The following GLIPR1 variants were observed in gnomAD, a reference collection of about 807,000 sequenced individuals.
GLIPR1 encodes the protein GLI pathogenesis related 1.
Under a neutral mutation model 30.3 loss-of-function variants are expected in GLIPR1, and 38 were observed. The observed-to-expected ratio is 1.26, with a 90% CI of 0.97 to 1.65. The LOEUF is 1.65. Ranked by LOEUF, GLIPR1 falls within the 40% of genes most tolerant of loss-of-function variation. The probability of loss-of-function intolerance (pLI) is 0.00; values close to 1 mark genes in which losing one functional copy is unlikely to be tolerated. For synonymous variants in GLIPR1, 122 were observed against 110.6 expected (o/e 1.10, Z -0.65); for missense variants, 285 against 326.5 (o/e 0.87, Z 0.98).
Position 75,503,416 on chromosome 12 carries a change from G to C in GLIPR1, c.*4438G>C, listed in dbSNP as rs2046407527. 1 of 152,088 alleles carries C rather than the reference G, an allele frequency of 6.6e-6. No individual in the cohort carries two copies. Among genetic ancestry groups the C allele is most frequent in the African/African-American group, 2.4e-5 (1 of 41,408 alleles). The allele number at this position is 152,088 out of a possible 1,614,324, so 9.4% of individuals were successfully genotyped here. A position where few individuals can be genotyped will look rare whatever the true frequency, so the allele number is the denominator to read the frequency against. On this transcript the variant is annotated 3_prime_UTR_variant, in exon 6 of 6. Coordinates refer to ENST00000266659, the MANE Select transcript of GLIPR1 (RefSeq NM_006851.3). ...AGAAGGTGGGACAGAAGTAAAAAGG[G>C]GCATGAATCAAAACAATGATGTGCA...
Position 75,495,573 on chromosome 12 carries a change from A to T in GLIPR1, c.534-4A>T. The T allele has an allele frequency of 6.4e-7, 1 of 1,563,668 alleles. No homozygotes were observed. Among genetic ancestry groups the T allele is most frequent in the Non-Finnish European group, 8.8e-7 (1 of 1,134,352 alleles). The stretch of plus-strand genomic sequence containing the variant: ...CTAATGGACATCCTTCTTCTGCTTT[A>T]CAGAGGGAATTACCCAACTTGGCCA... On this transcript the variant is annotated splice_polypyrimidine_tract_variant and splice_region_variant and intron_variant, in intron 3 of 5. Coordinates refer to ENST00000266659, the MANE Select transcript of GLIPR1 (RefSeq NM_006851.3).
At chr12:75,498,512 C>CTTAAAAATACCAAGTTAA in intron 4 of GLIPR1, 182 bp from the exon 5 acceptor site, 1 of 533,316 alleles carries the variant, frequency 1.9e-6, no homozygotes, top group African/African-American at 1.9e-5. Flanking sequence ...AAAAAGTCAA[C>CTTAAAAATACCAAGTTAA]TTAAAAATAC....
At chr12:75,497,866 G>A (rs2046360638) in intron 4 of GLIPR1, 1 of 150,688 alleles carries the variant, frequency 6.6e-6, no homozygotes, top group Non-Finnish European at 1.5e-5. Context: ...TGTTTCAATA[G>A]TTGAATATTG....
chr12:75,501,605 T>G lies in GLIPR1; in HGVS notation c.*2627T>G. On this transcript the variant is annotated 3_prime_UTR_variant, in exon 6 of 6. Coordinates refer to ENST00000266659, the MANE Select transcript of GLIPR1 (RefSeq NM_006851.3). ...CCTTGTCCTTAGGATTAGTAATTAATGAAATGCTAAGAGAACTGATGAAAA... is the reference window on the plus strand; with the variant it reads ...CCTTGTCCTTAGGATTAGTAATTAAGGAAATGCTAAGAGAACTGATGAAAA... 5.9e-6 allele frequency: 4 copies of G among 677,900 alleles called. No individual in the cohort carries two copies. Among genetic ancestry groups the G allele is most frequent in the Non-Finnish European group, 2.5e-6 (1 of 402,868 alleles). The allele number at this position is 677,900 out of a possible 1,614,324, so 42.0% of individuals were successfully genotyped here. A position where few individuals can be genotyped will look rare whatever the true frequency, so the allele number is the denominator to read the frequency against.
rs1283408363 is a variant in GLIPR1, at chr12:75,490,408, T to G, written c.423T>G (p.Val141=). Residue 141 remains valine (V), a splice_region_variant and synonymous_variant, in exon 3 of 6, where the codon GTT becomes GTG. Coordinates refer to ENST00000266659, the MANE Select transcript of GLIPR1 (RefSeq NM_006851.3). ...CKKVCGHYTQ[V]VWADSYKVGC... is the part of the protein sequence containing the mutation. ...TAAAAATCCTTATTTCCTTTCAGGT[T>G]GTTTGGGCAGATAGTTACAAAGTTG... The G allele has an allele frequency of 6.4e-7, 1 of 1,554,574 alleles. No homozygotes were observed. Among genetic ancestry groups the G allele is most frequent in the Non-Finnish European group, 8.9e-7 (1 of 1,127,200 alleles).
rs1401935383 is a variant in GLIPR1, at chr12:75,500,006, C to CAAAG, written c.*1031_*1034dup. ...ATACTTTAGATTTTACCAAGTAAAACAAAGAATATATGTTTAACAAAGAAT... is the reference window on the plus strand; with the variant it reads ...ATACTTTAGATTTTACCAAGTAAAACAAAGAAAGAATATATGTTTAACAAAGAAT... On this transcript the variant is annotated 3_prime_UTR_variant, in exon 6 of 6. Transcript: ENST00000266659. 7.3e-7 allele frequency: 1 copy of CAAAG among 1,364,482 alleles called. No individual in the cohort carries two copies. Among genetic ancestry groups the CAAAG allele is most frequent in the Non-Finnish European group, 1.0e-6 (1 of 995,958 alleles). The allele number at this position is 1,364,482 out of a possible 1,614,324, so 84.5% of individuals were successfully genotyped here. A position where few individuals can be genotyped will look rare whatever the true frequency, so the allele number is the denominator to read the frequency against.
At chr12:75,498,558 A>C in intron 4 of GLIPR1, 136 bp from the exon 5 acceptor site, 1 of 659,226 alleles carries the variant, frequency 1.5e-6, no homozygotes. Context: ...GTTTTGAATA[A>C]TTAAACTTGG....
intron 3 of GLIPR1, chr12:75,494,201 AGGT>A (rs1311159149): frequency 6.6e-6 from 1 of 152,246 alleles, no homozygotes; most frequent in African/African-American, 2.4e-5. Flanking sequence ...TGTGTGTCTA[AGGT>A]GAGAGTTCTC....
At chr12:75,487,775 A>G (rs142469232) in intron 2 of GLIPR1, 1 of 456,464 alleles carries the variant, frequency 2.2e-6, no homozygotes, top group Admixed American at 2.3e-5. Flanking sequence ...AAACCCCAAG[A>G]GAGGGTTCTT....
rs2120598445 is a variant in GLIPR1 at position 75,501,668 on chromosome 12, T to C, written c.*2690T>C. ...TCTTAAAAAGATTCAGACAAATTTATTATGGGTTTACTTTTCCTAATTAAT... is the reference window on the plus strand; with the variant it reads ...TCTTAAAAAGATTCAGACAAATTTACTATGGGTTTACTTTTCCTAATTAAT... On this transcript the variant is annotated 3_prime_UTR_variant, in exon 6 of 6. Transcript: ENST00000266659. 3.5e-6 allele frequency: 4 copies of C among 1,149,710 alleles called. No individual in the cohort carries two copies. The highest frequency in any genetic ancestry group is 5.1e-6 in the Non-Finnish European group (4 of 783,512). The allele number at this position is 1,149,710 out of a possible 1,614,324, so 71.2% of individuals were successfully genotyped here. A position where few individuals can be genotyped will look rare whatever the true frequency, so the allele number is the denominator to read the frequency against.
chr12:75,480,879 G>C lies in GLIPR1; in HGVS notation c.-2G>C. On this transcript the variant is annotated 5_prime_UTR_variant, in exon 1 of 6. Coordinates refer to ENST00000266659, the MANE Select transcript of GLIPR1 (RefSeq NM_006851.3). Reference sequence around the variant, plus strand: ...CTCCCAAGGCTCCATGCCAGACAAAGCATGCGTGTCACACTTGCTACAATA... The same window carrying C: ...CTCCCAAGGCTCCATGCCAGACAAACCATGCGTGTCACACTTGCTACAATA... 1 of 1,607,548 alleles carries C rather than the reference G, an allele frequency of 6.2e-7. No homozygotes were observed. The highest frequency in any genetic ancestry group is 8.5e-7 in the Non-Finnish European group (1 of 1,175,482).
chr12:75,494,017 A>C (rs1196208869), intron 3 of GLIPR1: 1 of 152,202 alleles, frequency 6.6e-6, no homozygotes, highest in Non-Finnish European at 1.5e-5. Flanking sequence ...CCAATGATTA[A>C]TGTCTATTTT....
In GLIPR1 at chr12:75,481,006, C is replaced by T. The variant is rs1053257860; in HGVS notation, c.126C>T (p.Asn42=). 1 of 1,613,766 alleles carries T rather than the reference C, an allele frequency of 6.2e-7. No homozygotes were observed. The highest frequency in any genetic ancestry group is 2.2e-5 in the East Asian group (1 of 44,886). The change falls in exon 1 of 6, where the codon AAC becomes AAT. Residue 42 remains asparagine, a synonymous_variant. Transcript: ENST00000266659. ...TCAAAGACTGCGTTCGAATCCATAA[C>T]AAGTTCCGATCAGAGGTGAAACCAA... ...DFIKDCVRIH[N]KFRSEVKPTA...
chr12:75,501,960 G>C lies in GLIPR1; in HGVS notation c.*2982G>C, dbSNP rs2046397545. On this transcript the variant is annotated 3_prime_UTR_variant, in exon 6 of 6. Transcript: ENST00000266659. ...CATTTTCTGCCGCTTCTTCTGATTT[G>C]CCTTCAAAAAGTATTCACCACTAGC... The C allele has an allele frequency of 6.2e-7, 1 of 1,612,164 alleles. No homozygotes were observed. The highest frequency in any genetic ancestry group is 1.7e-5 in the Admixed American group (1 of 59,858).
At chr12:75,482,512 A>G (rs1169888599) in intron 2 of GLIPR1, among the ~76,000 whole-genome samples, 3 of 152,150 alleles carry the variant, frequency 2.0e-5, no homozygotes, top group African/African-American at 7.2e-5. Context: ...ACAACCTCTC[A>G]TTCTCTCAAA....
chr12:75,492,107 G>A (rs1393351357), intron 3 of GLIPR1: 9 of 129,810 alleles, frequency 6.9e-5, no homozygotes, highest in African/African-American at 2.3e-4. Flanking sequence ...TTTTTTTTGA[G>A]ACAGGGTCTC....
At position 75,499,087 on chromosome 12, in the gene GLIPR1, ATATATGT is replaced by A. The variant is rs1007329814; in HGVS notation, c.*114_*120del. The A allele has an allele frequency of 3.0e-5, 19 of 632,260 alleles. No homozygotes were observed. The African/African-American group carries it at 3.4e-4, about 11-fold the overall frequency. 39.2% of individuals were successfully genotyped at this position (632,260 alleles called of 1,614,324 possible). ...CTATTTTAAAACATTTCAGAAAAAA[ATATATGT>A]TATAGCAATACTCTTACTCAAAAGA... On this transcript the variant is annotated 3_prime_UTR_variant, in exon 6 of 6. Transcript: ENST00000266659.
rs1415827168 is a variant in GLIPR1, at chr12:75,502,155, A to T, written c.*3177A>T. ...CATAAAGGAAACAGAGTCTAAGCTG[A>T]GGGGAATACATACACAAAAGTGTGG... On this transcript the variant is annotated 3_prime_UTR_variant, in exon 6 of 6. Transcript: ENST00000266659. The T allele has an allele frequency of 1.6e-6, 1 of 621,090 alleles. No homozygotes were observed. Among genetic ancestry groups the T allele is most frequent in the Admixed American group, 2.8e-5 (1 of 35,444 alleles). The allele number at this position is 621,090 out of a possible 1,614,324, so 38.5% of individuals were successfully genotyped here. A position where few individuals can be genotyped will look rare whatever the true frequency, so the allele number is the denominator to read the frequency against.
rs151134796 is a variant in GLIPR1, at chr12:75,480,890, A to G, written c.10A>G (p.Thr4Ala). MRVTLATIAWMVSF... is the reference protein window; with the variant it reads MRVALATIAWMVSF... ...CCATGCCAGACAAAGCATGCGTGTCACACTTGCTACAATAGCCTGGATGGT... is the reference window on the plus strand; with the variant it reads ...CCATGCCAGACAAAGCATGCGTGTCGCACTTGCTACAATAGCCTGGATGGT... Residue 4 changes from threonine (T) to alanine (A), a missense_variant, in exon 1 of 6, where the codon ACA (threonine) becomes GCA (alanine). Physicochemically the swap from Thr to Ala is moderately conservative, Grantham distance 58. Coordinates refer to ENST00000266659, the MANE Select transcript of GLIPR1 (RefSeq NM_006851.3). 165 of 1,610,592 alleles carry G rather than the reference A, an allele frequency of 1.0e-4. 2 individuals are homozygous for G. The African/African-American group carries it at 2.1e-3, about 20-fold the overall frequency.
Sources: allele counts gnomAD v4.1 joint callset (sites outside exome capture counted in the v4.1 genomes callset), GRCh38; gene constraint gnomAD v4.1.1; transcripts MANE v1.5; gene names NCBI Gene and HGNC (gene_info 2026-07-23, HGNC 2026-07-21).